Variants in MPHOSPH9 observed in about 807,000 individuals in gnomAD.
MPHOSPH9 encodes M-phase phosphoprotein 9.
A neutral mutation model predicts 145.5 loss-of-function variants in MPHOSPH9; 88 were observed. The observed-to-expected ratio is 0.60, with a 90% CI of 0.51 to 0.72. The LOEUF (loss-of-function observed/expected upper bound fraction) is 0.72, where lower values mean the gene tolerates loss of function less well. Among genes scored for constraint, MPHOSPH9 ranks in the 30% least tolerant of loss-of-function variants. The pLI is 0.00. For missense variants in MPHOSPH9, 1,238 were observed against 1,386.6 expected, an observed-to-expected ratio of 0.89 and a Z score of 1.70; for synonymous variants, 435 against 486.2, an observed-to-expected ratio of 0.89 and a Z score of 1.39.
Position 123,176,689 on chromosome 12 carries a change from T to G in MPHOSPH9, c.2455A>C (p.Asn819His), listed in dbSNP as rs1231901411. 2 of 1,607,926 alleles carry G rather than the reference T, an allele frequency of 1.2e-6. No individual in the cohort carries two copies. The highest frequency in any genetic ancestry group is 1.7e-6 in the Non-Finnish European group (2 of 1,174,658). The change falls in exon 16 of 24, where the codon AAC (asparagine) becomes CAC (histidine). Residue 819 changes from asparagine to histidine, a missense_variant and splice_region_variant. Asn to His is a moderately conservative substitution (Grantham distance 68). Coordinates refer to ENST00000606320, the MANE Select transcript of MPHOSPH9 (RefSeq NM_022782.4). ...SRIHVRPSRA[N>H]TLATSDVSRR... ...TAGAGAGTAAATGAAATAACTTACT[T>G]GGCACGCGAGGGTCTCACGTGAATT... is the stretch of plus-strand genomic sequence containing the variant.
intron 1 of MPHOSPH9, among the ~76,000 whole-genome samples, chr12:123,242,043 A>G (rs189231224): frequency 2.6e-4 from 40 of 152,326 alleles, no homozygotes; most frequent in African/African-American, 9.4e-4. Context: ...TTTATGCTAC[A>G]GACTCTTTAG....
intron 12 of MPHOSPH9, among the ~76,000 whole-genome samples, chr12:123,195,046 A>G (rs557619280): frequency 1.3e-5 from 2 of 152,212 alleles, no homozygotes; most frequent in African/African-American, 4.8e-5. Context: ...TCTGGGATGG[A>G]GAGTCCAGAA....
intron 3 of MPHOSPH9, among the ~76,000 whole-genome samples, chr12:123,223,520 C>T (rs1418338043): frequency 2.0e-5 from 3 of 152,188 alleles, no homozygotes; most frequent in African/African-American, 4.8e-5. Flanking sequence ...TTGCTGACTA[C>T]GCACCTGCCT....
intron 8 of MPHOSPH9, among the ~76,000 whole-genome samples, chr12:123,206,164 A>G (rs1357638122): frequency 6.6e-6 from 1 of 152,116 alleles, no homozygotes. Flanking sequence ...AAGAGAGAGA[A>G]ATGGCCAGGC....
chr12:123,205,419 G>A (rs1260434597), intron 8 of MPHOSPH9, among the ~76,000 whole-genome samples: 1 of 152,106 alleles, frequency 6.6e-6, no homozygotes, highest in African/African-American at 2.4e-5. Flanking sequence ...GGTGGTGCGT[G>A]CCTGTAATCC....
intron 13 of MPHOSPH9, among the ~76,000 whole-genome samples, chr12:123,187,130 G>A (rs1044260735): frequency 6.6e-6 from 1 of 151,880 alleles, no homozygotes; most frequent in East Asian, 1.9e-4. Context: ...GTGTTGTGGT[G>A]CTCGCCTATA....
chr12:123,153,010 G>C (rs558285675), downstream of MPHOSPH9: 6 of 154,486 alleles, frequency 3.9e-5, no homozygotes, highest in South Asian at 7.9e-4. Flanking sequence ...TTCAAGTAGC[G>C]TCCAGCAAAG....
chr12:123,188,309 A>T (rs1366699779), intron 13 of MPHOSPH9, among the ~76,000 whole-genome samples: 1 of 152,236 alleles, frequency 6.6e-6, no homozygotes, highest in Non-Finnish European at 1.5e-5. Flanking sequence ...GCAGGAAAAT[A>T]AACTGGTACA....
intron 6 of MPHOSPH9, among the ~76,000 whole-genome samples, chr12:123,215,718 G>A (rs931623546): frequency 3.9e-5 from 6 of 152,140 alleles, no homozygotes; most frequent in Non-Finnish European, 8.8e-5. Context: ...AGAGATATGT[G>A]ATGAGAATAT....
At chr12:123,185,571 G>A (rs1239462473) in intron 13 of MPHOSPH9, among the ~76,000 whole-genome samples, 1 of 151,946 alleles carries the variant, frequency 6.6e-6, no homozygotes, top group African/African-American at 2.4e-5. Flanking sequence ...TAGTGAGACC[G>A]CATCTCTACA....
intron 1 of MPHOSPH9, among the ~76,000 whole-genome samples, chr12:123,231,360 A>AT (rs1264433288): frequency 1.3e-5 from 2 of 152,250 alleles, no homozygotes; most frequent in African/African-American, 4.8e-5. Context: ...TCTACCAAGT[A>AT]TATATGTTTG....
At chr12:123,235,468 C>T (rs1356362601), upstream of MPHOSPH9, among the ~76,000 whole-genome samples, 2 of 151,952 alleles carry the variant, frequency 1.3e-5, no homozygotes, top group Non-Finnish European at 2.9e-5. Flanking sequence ...AGGTTCACGC[C>T]ATTCTCCTGC....
intron 13 of MPHOSPH9, among the ~76,000 whole-genome samples, chr12:123,193,119 ACACACAC>A: frequency 7.6e-6 from 1 of 131,596 alleles, no homozygotes; most frequent in Non-Finnish European, 1.6e-5. Context: ...ACACACACAC[ACACACAC>A]ACACACACAC....
chr12:123,175,823 A>T (rs1444788737), intron 16 of MPHOSPH9, among the ~76,000 whole-genome samples: 2 of 34,514 alleles, frequency 5.8e-5, no homozygotes, highest in Non-Finnish European at 1.9e-4. Flanking sequence ...CTTTTCTTTA[A>T]AAAAAAAAAA....
chr12:123,216,595 A>C (rs2046970536), intron 6 of MPHOSPH9, among the ~76,000 whole-genome samples: 1 of 152,194 alleles, frequency 6.6e-6, no homozygotes, highest in Non-Finnish European at 1.5e-5. Flanking sequence ...TCATGCTTGT[A>C]ATCTCAGCAT....
chr12:123,236,603 A>T (rs2047854542), upstream of MPHOSPH9, among the ~76,000 whole-genome samples: 1 of 152,068 alleles, frequency 6.6e-6, no homozygotes, highest in African/African-American at 2.4e-5. Context: ...AAAAAAAAAA[A>T]AAAGAAGAAG....
chr12:123,223,716 T>A (rs2138622146), intron 3 of MPHOSPH9, among the ~76,000 whole-genome samples: 1 of 152,238 alleles, frequency 6.6e-6, no homozygotes, highest in Non-Finnish European at 1.5e-5. Context: ...TTTCTTGTCA[T>A]CCTATTTATT....
intron 6 of MPHOSPH9, among the ~76,000 whole-genome samples, chr12:123,215,841 C>A (rs2046929231): frequency 6.6e-6 from 1 of 152,176 alleles, no homozygotes; most frequent in Admixed American, 6.6e-5. Context: ...AATAACACTA[C>A]CTACGAAGAT....
intron 16 of MPHOSPH9, among the ~76,000 whole-genome samples, chr12:123,172,871 CTTTTTTTTT>C (rs1161727056): frequency 2.8e-4 from 16 of 57,932 alleles, no homozygotes; most frequent in South Asian, 9.2e-4. Context: ...TTTTCATTCA[CTTTTTTTTT>C]TTTTTTTTTT....
Sources: allele counts gnomAD v4.1 joint callset (sites outside exome capture counted in the v4.1 genomes callset), GRCh38; gene constraint gnomAD v4.1.1; transcripts MANE v1.5; gene names NCBI Gene and HGNC (gene_info 2026-07-23, HGNC 2026-07-21).